The following CTSD variants were observed in gnomAD, a reference collection of about 807,000 sequenced individuals.
CTSD encodes the protein ceroid-lipofuscinosis, neuronal 10.
Under a neutral mutation model 43.6 loss-of-function variants are expected in CTSD, and 28 were observed. The observed-to-expected ratio is 0.64, with a 90% CI of 0.48 to 0.88. The LOEUF is 0.88. Ranked by LOEUF, CTSD falls within the 40% of genes least tolerant of loss-of-function variation. CTSD has a pLI of 0.00. For missense variants in CTSD, 485 were observed against 555.2 expected (o/e 0.87, Z 1.27); for synonymous variants, 270 against 249.8 (o/e 1.08, Z -0.76).
chr11:1,760,734 CA>C (rs1398156034), intron 2 of CTSD: 24 of 166,252 alleles, frequency 1.4e-4, no homozygotes, highest in Admixed American at 1.2e-3. Flanking sequence ...CCAAGCAGGA[CA>C]GAGGGCAAGG....
intron 4 of CTSD, among the ~76,000 whole-genome samples, chr11:1,758,581 A>C (rs111950298): frequency 2.6e-5 from 4 of 151,928 alleles, no homozygotes; most frequent in African/African-American, 9.7e-5. Flanking sequence ...TTCCTGGTAC[A>C]TCCTCCCAAC....
chr11:1,755,720 C>G (rs761551306), intron 5 of CTSD, among the ~76,000 whole-genome samples: 8 of 152,180 alleles, frequency 5.3e-5, no homozygotes, highest in Non-Finnish European at 1.2e-4. Flanking sequence ...GCCATCCCGC[C>G]AGAGCGTCTG....
chr11:1,753,593 C>A lies in CTSD; in HGVS notation c.1149G>T (p.Trp383Cys). The A allele has an allele frequency of 1.2e-6, 2 of 1,613,096 alleles. No homozygotes were observed. The highest frequency in any genetic ancestry group is 1.7e-6 in the Non-Finnish European group (2 of 1,179,924). Reference protein sequence around the residue: ...MDIPPPSGPLWILGDVFIGRY... With the variant: ...MDIPPPSGPLCILGDVFIGRY... ...GGCCGATGAAGACGTCGCCCAGGAT[C>A]CAGAGTGGCCCGCTGGGTGGCGGGA... Residue 383 changes from tryptophan to cysteine, a missense_variant, in exon 9 of 9, where the codon TGG becomes TGT. Coordinates refer to ENST00000236671, the MANE Select transcript of CTSD (RefSeq NM_001909.5).
intron 2 of CTSD, 137 bp from the exon 3 acceptor site, chr11:1,759,776 C>T (rs1845852974): frequency 2.3e-6 from 2 of 860,594 alleles, no homozygotes; most frequent in Non-Finnish European, 3.5e-6. Flanking sequence ...CTGCCAACAG[C>T]CACCCACTCC....
intron 6 of CTSD, among the ~76,000 whole-genome samples, chr11:1,754,525 GGGGATGGAGGGATGGA>G (rs1270993521): frequency 3.0e-5 from 1 of 33,660 alleles, no homozygotes; most frequent in Non-Finnish European, 6.5e-5. Flanking sequence ...GAGGGATGGA[GGGGATGGAGGGATGGA>G]GGGATGGAGG....
chr11:1,759,689 C>A (rs371608763), intron 2 of CTSD, 50 bp from the exon 3 acceptor site: 30 of 1,579,688 alleles, frequency 1.9e-5, no homozygotes, highest in Non-Finnish European at 2.3e-5. Flanking sequence ...CCCCATCTCC[C>A]CACTGGGCCT....
intron 1 of CTSD, among the ~76,000 whole-genome samples, chr11:1,762,781 G>A (rs1845897848): frequency 3.3e-5 from 5 of 152,314 alleles, no homozygotes; most frequent in Admixed American, 1.3e-4. Context: ...GTCAAGGCAG[G>A]CTCAGGCTTG....
chr11:1,754,939 G>A lies in CTSD; in HGVS notation c.794C>T (p.Thr265Ile). 1.2e-6 allele frequency: 2 copies of A among 1,613,980 alleles called. No individual in the cohort carries two copies. Among genetic ancestry groups the A allele is most frequent in the South Asian group, 1.1e-5 (1 of 91,088 alleles). The change falls in exon 6 of 9, where the codon ACC becomes ATC. Residue 265 changes from threonine to isoleucine, a missense_variant. Transcript: ENST00000236671. ...YKGSLSYLNV[T>I]RKAYWQVHLD... ...GTGGACCTGCCAGTAGGCCTTGCGG[G>A]TGACATTCAGGTAGGACAGAGAACC...
In CTSD at chr11:1,754,120, C is replaced by T. The variant is rs112021026; in HGVS notation, c.846G>A (p.Gly282=). Residue 282 remains glycine (G), a synonymous_variant, in exon 7 of 9, where the codon GGG becomes GGA. Coordinates refer to ENST00000236671, the MANE Select transcript of CTSD (RefSeq NM_001909.5). ...CACAGCCCTCCTTGCACAGGGTCAG[C>T]CCGCTGGCCACCTCCACCCTGCGGG... ...VHLDQVEVAS[G]LTLCKEGCEA... is the part of the protein sequence containing the mutation. 9.5e-4 allele frequency: 1,523 copies of T among 1,610,002 alleles called. 13 individuals are homozygous for T. The African/African-American group carries it at 0.018, about 19-fold the overall frequency.
At chr11:1,757,169 AC>A (rs1845819656) in intron 5 of CTSD, among the ~76,000 whole-genome samples, 154 bp downstream of exon 5, 1 of 152,114 alleles carries the variant, frequency 6.6e-6, no homozygotes, top group Non-Finnish European at 1.5e-5. Flanking sequence ...AGGGCGGCCA[AC>A]CCCCGCCTCC....
chr11:1,754,988 C>T lies in CTSD; in HGVS notation c.745G>A (p.Gly249Ser). The T allele has an allele frequency of 6.2e-7, 1 of 1,613,916 alleles. No homozygotes were observed. Reference sequence around the variant, plus strand: ...CCCTTGTAATACTTGGAGTCTGTGCCACCCAGCATCAGCTCACCCCCAGGC... The same window carrying T: ...CCCTTGTAATACTTGGAGTCTGTGCTACCCAGCATCAGCTCACCCCCAGGC... ...AQPGGELMLGGTDSKYYKGSL... is the reference protein window; with the variant it reads ...AQPGGELMLGSTDSKYYKGSL... The change falls in exon 6 of 9, where the codon GGC becomes AGC. Residue 249 changes from glycine to serine, a missense_variant. Physicochemically the swap from Gly to Ser is moderately conservative, Grantham distance 56. Transcript: ENST00000236671.
At chr11:1,755,882 C>G (rs1304312509) in intron 5 of CTSD, among the ~76,000 whole-genome samples, 7 of 152,170 alleles carry the variant, frequency 4.6e-5, no homozygotes, top group Non-Finnish European at 8.8e-5. Context: ...GTGTAGAAAC[C>G]TGATCAGCGC....
At chr11:1,761,042 T>A (rs977357806) in intron 2 of CTSD, 3 of 507,978 alleles carry the variant, frequency 5.9e-6, no homozygotes, top group Non-Finnish European at 1.1e-5. Context: ...GACCGCCCCC[T>A]CAGGCGAGCT....
At position 1,761,319 on chromosome 11, in the gene CTSD, T is replaced by C. The variant is rs1376813255; in HGVS notation, c.218A>G (p.Asn73Ser). 1 of 1,613,762 alleles carries C rather than the reference T, an allele frequency of 6.2e-7. No homozygotes were observed. The highest frequency in any genetic ancestry group is 8.5e-7 in the Non-Finnish European group (1 of 1,179,992). ...AGACCTCATACTCACGTCCATGTAG[T>C]TCTTGAGCACCTCGGGAATGGGCCC... is the stretch of plus-strand genomic sequence containing the variant. ...TEGPIPEVLKNYMDAQYYGEI... is the reference protein window; with the variant it reads ...TEGPIPEVLKSYMDAQYYGEI... Residue 73 changes from asparagine (N) to serine (S), a missense_variant, in exon 2 of 9, where the codon AAC becomes AGC. Asn to Ser is a conservative substitution (Grantham distance 46). Coordinates refer to ENST00000236671, the MANE Select transcript of CTSD (RefSeq NM_001909.5).
At chr11:1,755,742 G>C (rs1254787834) in intron 5 of CTSD, among the ~76,000 whole-genome samples, 1 of 152,154 alleles carries the variant, frequency 6.6e-6, no homozygotes, top group Non-Finnish European at 1.5e-5. Context: ...AGCTAAGCTG[G>C]CCACCATCCC....
At chr11:1,756,322 C>A (rs1488265616) in intron 5 of CTSD, among the ~76,000 whole-genome samples, 1 of 152,226 alleles carries the variant, frequency 6.6e-6, no homozygotes, top group Non-Finnish European at 1.5e-5. Context: ...ATGGCCCAGC[C>A]GGTTCACCTG....
In CTSD at chr11:1,753,650, G is replaced by A; in HGVS notation, c.1092C>T (p.Thr364=). The A allele has an allele frequency of 6.2e-7, 1 of 1,612,918 alleles. No individual in the cohort carries two copies. Among genetic ancestry groups the A allele is most frequent in the Non-Finnish European group, 8.5e-7 (1 of 1,179,856 alleles). The change falls in exon 9 of 9, where the codon ACC becomes ACT. Residue 364 remains threonine (T), a synonymous_variant. Coordinates refer to ENST00000236671, the MANE Select transcript of CTSD (RefSeq NM_001909.5). ...YTLKVSQAGK[T]LCLSGFMGMD... is the part of the protein sequence containing the mutation. ...TGCCCATGAAGCCGCTCAGGCAGAGGGTCTTCCCGGCCTGCGACACCTGGG... is the reference window on the plus strand; with the variant it reads ...TGCCCATGAAGCCGCTCAGGCAGAGAGTCTTCCCGGCCTGCGACACCTGGG...
Position 1,754,936 on chromosome 11 carries a change from C to G in CTSD, c.797G>C (p.Arg266Pro). 6.2e-7 allele frequency: 1 copy of G among 1,613,892 alleles called. No individual in the cohort carries two copies. Among genetic ancestry groups the G allele is most frequent in the Non-Finnish European group, 8.5e-7 (1 of 1,179,888 alleles). ...CAGGTGGACCTGCCAGTAGGCCTTG[C>G]GGGTGACATTCAGGTAGGACAGAGA... Reference protein sequence around the residue: ...KGSLSYLNVTRKAYWQVHLDQ... With the variant: ...KGSLSYLNVTPKAYWQVHLDQ... Residue 266 changes from arginine (R) to proline (P), a missense_variant, in exon 6 of 9, where the codon CGC becomes CCC. Coordinates refer to ENST00000236671, the MANE Select transcript of CTSD (RefSeq NM_001909.5).
intron 5 of CTSD, chr11:1,755,359 G>A (rs1411229861): frequency 7.3e-6 from 3 of 411,908 alleles, no homozygotes; most frequent in African/African-American, 4.1e-5. Context: ...GAGCTCCACT[G>A]GGGAGGACCC....
Sources: allele counts gnomAD v4.1 joint callset (sites outside exome capture counted in the v4.1 genomes callset), GRCh38; gene constraint gnomAD v4.1.1; transcripts MANE v1.5; gene names NCBI Gene and HGNC (gene_info 2026-07-23, HGNC 2026-07-21).